Variants in LDLRAD4 observed in about 807,000 individuals in gnomAD.
LDLRAD4 encodes low-density lipoprotein receptor class A domain-containing protein 4.
Under a neutral mutation model 17.0 loss-of-function variants are expected in LDLRAD4, and 5 were observed. The ratio of observed to expected loss-of-function variants is 0.29; its 90% CI spans 0.15 to 0.62. LDLRAD4 has a LOEUF of 0.62. Ranked by LOEUF, LDLRAD4 falls within the 20% of genes least tolerant of loss-of-function variation. The probability of loss-of-function intolerance (pLI) is 0.84; values close to 1 mark genes in which losing one functional copy is unlikely to be tolerated. For missense variants in LDLRAD4, 340 were observed against 424.7 expected (o/e 0.80, Z 1.75); for synonymous variants, 168 against 171.8 (o/e 0.98, Z 0.17).
chr18:13,437,742 G>C (rs1006376942), intron 2 of LDLRAD4, among the ~76,000 whole-genome samples: 1 of 152,218 alleles, frequency 6.6e-6, no homozygotes, highest in Non-Finnish European at 1.5e-5. Context: ...GAAATATGTT[G>C]TCCAGATTCT....
chr18:13,245,068 G>C (rs2042888761), intron 1 of LDLRAD4, among the ~76,000 whole-genome samples: 1 of 152,146 alleles, frequency 6.6e-6, no homozygotes. Context: ...CCTCTGTTTG[G>C]TGGGGGGCAT....
intron 4 of LDLRAD4, among the ~76,000 whole-genome samples, chr18:13,626,690 C>A (rs558960030): frequency 7.9e-5 from 12 of 152,254 alleles, no homozygotes; most frequent in Non-Finnish European, 1.6e-4. Context: ...GGTGCCCATT[C>A]TTCATAGCCA....
At position 13,257,379 on chromosome 18, in the gene LDLRAD4, A is replaced by G. The variant is rs566377208; in HGVS notation, c.-466-20726A>G. On this transcript the variant is annotated intron_variant, in intron 1 of 5. Transcript: ENST00000399848. ...CTGGGACAGAGCAGAATTCAGTGCC[A>G]GTCCTTTCGTTCTGTAATGATGATG... Among the ~76,000 whole-genome samples the G allele has an allele frequency of 2.0e-5, 3 of 152,356 alleles. No individual in the cohort carries two copies. In the South Asian group the frequency reaches 6.2e-4, roughly 32 times the overall value.
intron 3 of LDLRAD4, among the ~76,000 whole-genome samples, chr18:13,494,246 C>T (rs990909612): frequency 4.6e-5 from 7 of 151,990 alleles, no homozygotes; most frequent in South Asian, 4.2e-4. Context: ...ATATATTCAC[C>T]GAGAGAGGAA....
At chr18:13,612,335 G>A in intron 3 of LDLRAD4, 1 of 1,115,326 alleles carries the variant, frequency 9.0e-7, no homozygotes. Context: ...TGCCCTGGGT[G>A]TACAGCTGGT....
chr18:13,328,338 G>C (rs1341360693), intron 1 of LDLRAD4, among the ~76,000 whole-genome samples: 1 of 152,168 alleles, frequency 6.6e-6, no homozygotes. Context: ...GCATGTGCCT[G>C]TTTCTCCTTT....
chr18:13,601,653 GAAAAAA>G (rs71174174), intron 3 of LDLRAD4, among the ~76,000 whole-genome samples: 1 of 124,522 alleles, frequency 8.0e-6, no homozygotes, highest in Non-Finnish European at 1.6e-5. Flanking sequence ...GACTCTGTCT[GAAAAAA>G]AAAAAAAGAA....
intron 2 of LDLRAD4, among the ~76,000 whole-genome samples, chr18:13,391,908 T>A (rs1000182424): frequency 6.6e-6 from 1 of 152,274 alleles, no homozygotes; most frequent in Non-Finnish European, 1.5e-5. Context: ...GTACATGTAC[T>A]TGAATTTTAA....
intron 3 of LDLRAD4, among the ~76,000 whole-genome samples, chr18:13,441,764 C>T (rs1483018214): frequency 6.6e-6 from 1 of 152,196 alleles, no homozygotes; most frequent in Non-Finnish European, 1.5e-5. Flanking sequence ...GAAAGTTGCT[C>T]TAAGTAGCTT....
At chr18:13,485,018 G>A (rs79925486) in intron 3 of LDLRAD4, among the ~76,000 whole-genome samples, 15,803 of 152,246 alleles carry the variant, frequency 0.1, 893 homozygotes, top group East Asian at 0.15. Context: ...TCACGACACC[G>A]TCTCCCTATT....
At chr18:13,506,956 G>A (rs775897437) in intron 3 of LDLRAD4, among the ~76,000 whole-genome samples, 4 of 152,298 alleles carry the variant, frequency 2.6e-5, no homozygotes, top group Middle Eastern at 6.8e-3. Context: ...TCGCTTTACT[G>A]TGCTTCACAG....
At chr18:13,436,090 C>A (rs1157959683) in intron 2 of LDLRAD4, among the ~76,000 whole-genome samples, 1 of 152,208 alleles carries the variant, frequency 6.6e-6, no homozygotes, top group African/African-American at 2.4e-5. Flanking sequence ...GAGTGCCTGT[C>A]ACAGGCTGGG....
intron 4 of LDLRAD4, among the ~76,000 whole-genome samples, chr18:13,627,339 C>T (rs987680033): frequency 6.9e-4 from 105 of 152,290 alleles, no homozygotes; most frequent in African/African-American, 2.5e-3. Flanking sequence ...GAAAAAGCAG[C>T]CTATGGGGCC....
exon 6 of LDLRAD4, chr18:13,648,629 C>G (rs979428977): frequency 6.6e-6 from 1 of 152,104 alleles, no homozygotes; most frequent in African/African-American, 2.4e-5. Flanking sequence ...CTTTCAAGAA[C>G]CCTTTTTTTA....
At chr18:13,425,738 A>G (rs2089878483) in intron 2 of LDLRAD4, among the ~76,000 whole-genome samples, 1 of 152,134 alleles carries the variant, frequency 6.6e-6, no homozygotes, top group African/African-American at 2.4e-5. Context: ...AGGCAGCTGC[A>G]TTGTTCTCAT....
chr18:13,362,674 A>G (rs2083756207), intron 1 of LDLRAD4: 1 of 152,270 alleles, frequency 6.6e-6, no homozygotes, highest in Non-Finnish European at 1.5e-5. Flanking sequence ...ACAGTGTGAT[A>G]GATTAATGGT....
At chr18:13,472,613 C>G (rs1190042612) in intron 3 of LDLRAD4, 1 of 152,260 alleles carries the variant, frequency 6.6e-6, no homozygotes, top group African/African-American at 2.4e-5. Context: ...CTCCCATCCA[C>G]TCTGTCTTCT....
intron 4 of LDLRAD4, among the ~76,000 whole-genome samples, chr18:13,626,055 G>A (rs1415887033): frequency 6.6e-6 from 1 of 151,904 alleles, no homozygotes; most frequent in Non-Finnish European, 1.5e-5. Flanking sequence ...TGAATGTGGT[G>A]GAAGTAGTGA....
rs377322450 is a variant in LDLRAD4 at position 13,278,598 on chromosome 18, C to T, written c.-383+410C>T. Among the ~76,000 whole-genome samples, 5 of 152,288 alleles carry T rather than the reference C, an allele frequency of 3.3e-5. No homozygotes were observed. In the East Asian group the frequency reaches 9.6e-4, roughly 29 times the overall value. ...TCAGGCTTCACTTGATGTCAAAGAA[C>T]ATGAAGTGAAGAAATACATGAGAAT... On this transcript the variant is annotated intron_variant, in intron 1 of 5. Coordinates refer to ENST00000359446, the Ensembl canonical transcript of LDLRAD4.
Sources: gnomAD v4.1 joint callset for allele counts (sites outside exome capture counted in the v4.1 genomes callset) on GRCh38, gnomAD v4.1.1 for gene constraint, MANE v1.5 for transcripts, NCBI Gene and HGNC (gene_info 2026-07-23, HGNC 2026-07-21) for gene names.